Variants in STRA6 observed in about 807,000 individuals in gnomAD.
The protein encoded by STRA6 is receptor for retinol uptake STRA6.
STRA6 carries 48 observed loss-of-function variants against 83.6 expected under a neutral mutation model. The ratio of observed to expected loss-of-function variants is 0.57; its 90% confidence interval spans 0.46 to 0.73. The LOEUF (loss-of-function observed/expected upper bound fraction) is 0.73. Ranked by LOEUF, STRA6 falls within the 30% of genes least tolerant of loss-of-function variation. STRA6 has a pLI of 0.00. For synonymous variants in STRA6, 353 were observed against 362.3 expected, an observed-to-expected ratio of 0.97 and a Z score of 0.29; for missense variants, 760 against 838.8, an observed-to-expected ratio of 0.91 and a Z score of 1.16.
At chr15:74,201,958 T>G (rs1365200206) in intron 2 of STRA6, among the ~76,000 whole-genome samples, 197 bp downstream of exon 2, 2 of 152,114 alleles carry the variant, frequency 1.3e-5, no homozygotes, top group Non-Finnish European at 2.9e-5. Context: ...GGGTGAGGGA[T>G]GTTGTTCTCA....
intron 2 of STRA6, 71 bp from the exon 3 acceptor site, chr15:74,197,889 C>G: frequency 6.6e-7 from 1 of 1,508,904 alleles, no homozygotes; most frequent in Non-Finnish European, 9.1e-7. Flanking sequence ...GTCTGGGGTT[C>G]AAGACTGTTC....
intron 18 of STRA6, 133 bp from the exon 19 acceptor site, chr15:74,180,376 C>A: frequency 9.2e-7 from 1 of 1,084,430 alleles, no homozygotes; most frequent in Non-Finnish European, 1.4e-6. Flanking sequence ...CCCCTGCAGG[C>A]AGCACATGGA....
chr15:74,195,895 C>T, intron 5 of STRA6, 113 bp downstream of exon 5: 1 of 1,458,462 alleles, frequency 6.9e-7, no homozygotes, highest in Non-Finnish European at 9.4e-7. Flanking sequence ...CAGCCCATCT[C>T]ATTGACAGCT....
chr15:74,196,987 T>C (rs2073849499), intron 4 of STRA6, among the ~76,000 whole-genome samples: 1 of 152,180 alleles, frequency 6.6e-6, no homozygotes. Flanking sequence ...GGTGATACCC[T>C]CAGGGAAGAT....
chr15:74,207,693 C>T (rs2074291712), upstream of STRA6: 1 of 1,535,328 alleles, frequency 6.5e-7, no homozygotes, highest in Middle Eastern at 1.7e-4. Context: ...GCCACTGTGC[C>T]CACCTGTGCA....
chr15:74,197,089 T>C (rs1374127486), intron 4 of STRA6, among the ~76,000 whole-genome samples: 2 of 152,076 alleles, frequency 1.3e-5, no homozygotes, highest in African/African-American at 4.8e-5. Flanking sequence ...CTGTCAGGCT[T>C]GTTTCCCTAG....
chr15:74,207,154 G>T (rs1032722345), upstream of STRA6, among the ~76,000 whole-genome samples: 1 of 152,148 alleles, frequency 6.6e-6, no homozygotes, highest in Non-Finnish European at 1.5e-5. Flanking sequence ...AGAGGCCCAC[G>T]TGCATTTCTG....
upstream of STRA6, among the ~76,000 whole-genome samples, chr15:74,203,503 C>T (rs1405174689): frequency 6.6e-6 from 1 of 152,236 alleles, no homozygotes; most frequent in Non-Finnish European, 1.5e-5. Context: ...GAGGTTTAGG[C>T]CCCTAAAACT....
At chr15:74,180,326 G>T (rs954236272) in intron 18 of STRA6, 83 bp from the exon 19 acceptor site, 1 of 1,563,024 alleles carries the variant, frequency 6.4e-7, no homozygotes, top group Non-Finnish European at 8.8e-7. Flanking sequence ...CAGAGAGCCT[G>T]AAAATCCCAG....
chr15:74,203,047 A>C, upstream of STRA6: 3 of 985,760 alleles, frequency 3.0e-6, no homozygotes, highest in Non-Finnish European at 3.6e-6. Flanking sequence ...CCTGCCCGCC[A>C]CATCTGCAGT....
chr15:74,194,845 G>A (rs1343706891), intron 7 of STRA6: 28 of 1,354,754 alleles, frequency 2.1e-5, no homozygotes, highest in Non-Finnish European at 2.5e-5. Context: ...CAGCTTCACA[G>A]CCCCAGCCAG....
intron 8 of STRA6, among the ~76,000 whole-genome samples, chr15:74,192,615 T>A (rs926823956): frequency 3.3e-5 from 5 of 152,166 alleles, no homozygotes; most frequent in African/African-American, 9.7e-5. Flanking sequence ...CAGGAGCACC[T>A]GCTCCTCCCT....
At position 74,179,822 on chromosome 15, in the gene STRA6, A is replaced by G. The variant is rs1422416264; in HGVS notation, c.*258T>C. ...GCCTGGATGTGGCTGCCCTGGCTCA[A>G]CTGGCTCCTGGACCAAGGCCCTAAC... On this transcript the variant is annotated 3_prime_UTR_variant, in exon 19 of 19. Transcript: ENST00000395105. The G allele has an allele frequency of 6.2e-6, 3 of 481,846 alleles. No homozygotes were observed. The highest frequency in any genetic ancestry group is 1.1e-5 in the Non-Finnish European group (3 of 268,730). 29.8% of individuals were successfully genotyped at this position (481,846 alleles called of 1,614,324 possible).
At position 74,179,784 on chromosome 15, in the gene STRA6, A is replaced by G; in HGVS notation, c.*296T>C. On this transcript the variant is annotated 3_prime_UTR_variant, in exon 19 of 19. Coordinates refer to ENST00000395105, the MANE Select transcript of STRA6 (RefSeq NM_022369.4). ...GCCCTTCAAGGCTGATGGCAGAGCC[A>G]GGGTAGGGAGACGCCTGGATGTGGC... 5.2e-6 allele frequency: 2 copies of G among 384,166 alleles called. No homozygotes were observed. The highest frequency in any genetic ancestry group is 7.8e-5 in the Admixed American group (2 of 25,802). 23.8% of individuals were successfully genotyped at this position (384,166 alleles called of 1,614,324 possible).
At chr15:74,180,991 C>T in intron 17 of STRA6, 54 bp from the exon 18 acceptor site, 1 of 1,604,642 alleles carries the variant, frequency 6.2e-7, no homozygotes, top group South Asian at 1.1e-5. Context: ...ACACTGGAGG[C>T]ATCCAGACAT....
intron 14 of STRA6, chr15:74,183,639 ACACACT>A: frequency 6.9e-7 from 1 of 1,440,678 alleles, no homozygotes; most frequent in Non-Finnish European, 9.1e-7. Context: ...TGTGGAGGGT[ACACACT>A]CAATTTCCCG....
upstream of STRA6, chr15:74,209,431 G>A (rs539628058): frequency 1.4e-5 from 22 of 1,535,586 alleles, no homozygotes; most frequent in South Asian, 1.9e-4. Context: ...CCACCAGCTC[G>A]GCTCTTAATA....
chr15:74,195,243 G>A, intron 7 of STRA6, 59 bp downstream of exon 7: 1 of 1,594,332 alleles, frequency 6.3e-7, no homozygotes, highest in Non-Finnish European at 8.5e-7. Flanking sequence ...GAGGCACTGT[G>A]GTTTGAGTAG....
intron 1 of STRA6, chr15:74,207,854 G>T (rs955722246): frequency 1.3e-6 from 2 of 1,527,008 alleles, no homozygotes; most frequent in African/African-American, 2.7e-5. Context: ...TCTGGCACCA[G>T]ACCAAGTCTG....
Sources: gnomAD v4.1 joint callset for allele counts (sites outside exome capture counted in the v4.1 genomes callset) on GRCh38, gnomAD v4.1.1 for gene constraint, MANE v1.5 for transcripts, NCBI Gene and HGNC (gene_info 2026-07-23, HGNC 2026-07-21) for gene names.